Variants in TXNRD2 observed in about 807,000 individuals in gnomAD.
The protein encoded by TXNRD2 is thioredoxin reductase 2.
Under a neutral mutation model 70.8 loss-of-function variants are expected in TXNRD2, and 67 were observed. That is an observed-to-expected ratio of 0.95 (90% confidence interval 0.78 to 1.16). The LOEUF is 1.16. Ranked by LOEUF, TXNRD2 falls within the 50% of genes most tolerant of loss-of-function variation. The pLI, the probability that TXNRD2 is intolerant of heterozygous loss-of-function variation, is 0.00. For synonymous variants in TXNRD2, 301 were observed against 295.8 expected (o/e 1.02, Z -0.18); for missense variants, 644 against 719.9 (o/e 0.89, Z 1.21).
chr22:19,932,568 G>A (rs1941407726), intron 1 of TXNRD2: 1 of 1,471,682 alleles, frequency 6.8e-7, no homozygotes, highest in African/African-American at 1.4e-5. Flanking sequence ...CCCAGCACCA[G>A]GCACCAGCCA....
chr22:19,927,569 G>A (rs1050203338), intron 2 of TXNRD2, among the ~76,000 whole-genome samples: 2 of 148,626 alleles, frequency 1.3e-5, no homozygotes, highest in Admixed American at 6.8e-5. Context: ...TGGGAAAATC[G>A]CTTGAACCCG....
At chr22:19,907,850 A>G (rs112587800) in intron 8 of TXNRD2, among the ~76,000 whole-genome samples, 318 of 15,992 alleles carry the variant, frequency 0.02, 18 homozygotes, top group South Asian at 0.095. Flanking sequence ...TGTGGGCGCC[A>G]TGGGTAGCAG....
At chr22:19,907,865 C>T (rs71312721) in intron 8 of TXNRD2, among the ~76,000 whole-genome samples, 1 of 40,470 alleles carries the variant, frequency 2.5e-5, no homozygotes, top group Non-Finnish European at 4.7e-5. Flanking sequence ...TAGCAGTGAC[C>T]GCTCTCAGGA....
intron 8 of TXNRD2, among the ~76,000 whole-genome samples, chr22:19,900,766 T>C (rs1939741588): frequency 6.7e-6 from 1 of 150,252 alleles, no homozygotes; most frequent in African/African-American, 2.5e-5. Context: ...AAAAAAAAGA[T>C]ATGAAGTTAT....
At chr22:19,914,790 A>C in intron 7 of TXNRD2, 1 of 280,162 alleles carries the variant, frequency 3.6e-6, no homozygotes, top group Non-Finnish European at 7.0e-6. Flanking sequence ...AAAAAGGCTA[A>C]ATTTTATAGC....
intron 8 of TXNRD2, among the ~76,000 whole-genome samples, chr22:19,909,776 ACACACAC>A (rs1940278050): frequency 8.0e-6 from 1 of 124,998 alleles, no homozygotes; most frequent in Admixed American, 8.0e-5. Context: ...CACACACACC[ACACACAC>A]CACACACACA....
At chr22:19,881,137 T>A (rs1938755844) in intron 12 of TXNRD2, 1 of 448,558 alleles carries the variant, frequency 2.2e-6, no homozygotes, top group Non-Finnish European at 3.9e-6. Flanking sequence ...TTCCATGTGC[T>A]CCTGACGTGC....
In TXNRD2 at chr22:19,899,069, C is replaced by A; in HGVS notation, c.663-1G>T. 1.2e-6 allele frequency: 2 copies of A among 1,607,428 alleles called. No individual in the cohort carries two copies. Among genetic ancestry groups the A allele is most frequent in the South Asian group, 2.2e-5 (2 of 91,086 alleles). On this transcript the variant is annotated splice_acceptor_variant, in intron 8 of 17. Coordinates refer to ENST00000400521, the MANE Select transcript of TXNRD2 (RefSeq NM_006440.5). LOFTEE classifies it high-confidence loss of function. ...GATACAGCTGGCCCCGACCACCAAC[C>A]TGTTAGAGAAACAGAGAGAGAGCAC... is the stretch of plus-strand genomic sequence containing the variant.
intron 2 of TXNRD2, among the ~76,000 whole-genome samples, chr22:19,925,825 T>G (rs952136310): frequency 3.9e-5 from 6 of 151,900 alleles, no homozygotes; most frequent in Admixed American, 3.3e-4. Flanking sequence ...ATAGATAAAT[T>G]AGGACTTCAC....
intron 8 of TXNRD2, among the ~76,000 whole-genome samples, chr22:19,900,380 G>C (rs1321387008): frequency 3.9e-5 from 6 of 152,230 alleles, no homozygotes; most frequent in Admixed American, 3.9e-4. Flanking sequence ...CTACACGGAA[G>C]TGCACTTCCA....
intron 11 of TXNRD2, among the ~76,000 whole-genome samples, chr22:19,885,640 C>T (rs996473936): frequency 2.6e-5 from 4 of 152,222 alleles, no homozygotes; most frequent in Admixed American, 6.5e-5. Flanking sequence ...CGGGGGCTCA[C>T]GCTCAGCCGT....
chr22:19,888,792 G>C (rs1014150594), intron 11 of TXNRD2, among the ~76,000 whole-genome samples: 7 of 152,204 alleles, frequency 4.6e-5, no homozygotes, highest in African/African-American at 1.7e-4. Context: ...ACTTGCCCCA[G>C]TGAGGCACCT....
intron 12 of TXNRD2, chr22:19,881,402 C>CG: frequency 3.9e-6 from 1 of 257,118 alleles, no homozygotes; most frequent in Admixed American, 5.5e-5. Flanking sequence ...AACATCCCGG[C>CG]GGGCGGCGCA....
Position 19,881,396 on chromosome 22 carries a change from TCCCGGCGGGCGGCGCACAG to T in TXNRD2, c.1087-698_1087-680del, listed in dbSNP as rs1055770802. ...GCAGGCCTGACTAACTACGGAAACA[TCCCGGCGGGCGGCGCACAG>T]CACACAACATCTCATTAAACAATAG... On this transcript the variant is annotated intron_variant, in intron 12 of 17. Coordinates refer to ENST00000400521, the MANE Select transcript of TXNRD2 (RefSeq NM_006440.5). The T allele has an allele frequency of 2.7e-5, 7 of 259,788 alleles. No individual in the cohort carries two copies. The Admixed American group carries it at 2.8e-4, about 10-fold the overall frequency. The allele number at this position is 259,788 out of a possible 1,614,324, so 16.1% of individuals were successfully genotyped here. A position where few individuals can be genotyped will look rare whatever the true frequency, so the allele number is the denominator to read the frequency against.
At chr22:19,897,521 C>T (rs904410861) in intron 10 of TXNRD2, among the ~76,000 whole-genome samples, 3 of 152,204 alleles carry the variant, frequency 2.0e-5, no homozygotes, top group Non-Finnish European at 4.4e-5. Context: ...GTACCCCAGA[C>T]ACAGATGAAG....
rs192213478 is a variant in TXNRD2 at position 19,939,276 on chromosome 22, A to G, written c.103+2425T>C. The stretch of plus-strand genomic sequence containing the variant: ...TCTGGTTCAATCCTCCCTAATGGCA[A>G]TGTAAACCCCTCTAACTAATCCCAC... On this transcript the variant is annotated intron_variant, in intron 1 of 17. Transcript: ENST00000400521. 1.6e-3 allele frequency among the ~76,000 whole-genome samples: 239 copies of G among 152,332 alleles called. 2 individuals are homozygous for G. The highest frequency in any genetic ancestry group is 5.1e-3 in the African/African-American group (214 of 41,582).
In TXNRD2 at chr22:19,931,107, A is replaced by C; in HGVS notation, c.104-9T>G. ...ATAGTCCCGCTGACCTGCTGAGAGA[A>C]GGGATGAGAGGTGGGACGGACTGTC... is the stretch of plus-strand genomic sequence containing the variant. On this transcript the variant is annotated splice_polypyrimidine_tract_variant and intron_variant, in intron 1 of 17. Coordinates refer to ENST00000400521, the MANE Select transcript of TXNRD2 (RefSeq NM_006440.5). The C allele has an allele frequency of 6.2e-7, 1 of 1,612,878 alleles. No individual in the cohort carries two copies. Among genetic ancestry groups the C allele is most frequent in the Non-Finnish European group, 8.5e-7 (1 of 1,179,728 alleles).
intron 8 of TXNRD2, among the ~76,000 whole-genome samples, chr22:19,908,858 T>C (rs2146011818): frequency 6.6e-6 from 1 of 152,352 alleles, no homozygotes; most frequent in Non-Finnish European, 1.5e-5. Context: ...ATAGTGGTGA[T>C]GGTTTCACGA....
chr22:19,885,261 C>T (rs922631180), intron 11 of TXNRD2, among the ~76,000 whole-genome samples: 7 of 152,240 alleles, frequency 4.6e-5, no homozygotes, highest in Non-Finnish European at 8.8e-5. Flanking sequence ...CCACCAATGG[C>T]GAAGGCAATT....
Sources: gnomAD v4.1 joint callset for allele counts (sites outside exome capture counted in the v4.1 genomes callset) on GRCh38, gnomAD v4.1.1 for gene constraint, MANE v1.5 for transcripts, NCBI Gene and HGNC (gene_info 2026-07-23, HGNC 2026-07-21) for gene names.